ZNF675: variants seen among roughly 807,000 people sequenced by gnomAD.
ZNF675 encodes TRAF6 inhibitory zinc finger.
Under a neutral mutation model 56.1 loss-of-function variants are expected in ZNF675, and 36 were observed. The ratio of observed to expected loss-of-function variants is 0.64; its 90% confidence interval spans 0.49 to 0.85. ZNF675 has a LOEUF of 0.85. Ranked by LOEUF, ZNF675 falls within the 40% of genes least tolerant of loss-of-function variation. The pLI is 0.00. For synonymous variants in ZNF675, 200 were observed against 218.9 expected, an observed-to-expected ratio of 0.91 and a Z score of 0.76; for missense variants, 663 against 654.2, an observed-to-expected ratio of 1.01 and a Z score of -0.15.
intron 3 of ZNF675, among the ~76,000 whole-genome samples, chr19:23,659,189 T>C (rs1968044140): frequency 6.6e-6 from 1 of 152,216 alleles, no homozygotes; most frequent in Non-Finnish European, 1.5e-5. Context: ...TTAGTAAATA[T>C]GGAGTGCCTA....
chr19:23,680,294 C>G (rs188112852), intron 1 of ZNF675, among the ~76,000 whole-genome samples: 4 of 151,536 alleles, frequency 2.6e-5, no homozygotes, highest in Admixed American at 2.6e-4. Flanking sequence ...CAAAGCCAGA[C>G]TCCGTCTCAA....
intron 1 of ZNF675, among the ~76,000 whole-genome samples, chr19:23,673,697 A>G (rs1239327099): frequency 6.6e-6 from 1 of 152,102 alleles, no homozygotes; most frequent in Non-Finnish European, 1.5e-5. Context: ...GGGGAGGGAG[A>G]GCATTAGGAC....
intron 1 of ZNF675, among the ~76,000 whole-genome samples, chr19:23,672,032 T>C (rs1968232868): frequency 1.3e-5 from 2 of 152,074 alleles, no homozygotes; most frequent in Non-Finnish European, 2.9e-5. Flanking sequence ...CCTAGGTGAT[T>C]GTGAGAGGGT....
intron 1 of ZNF675, among the ~76,000 whole-genome samples, chr19:23,679,116 A>G (rs1341862632): frequency 1.4e-5 from 2 of 146,786 alleles, no homozygotes. Flanking sequence ...GCAGTGAGCC[A>G]AGATCGTGCC....
At chr19:23,671,474 G>T (rs1180596987) in intron 1 of ZNF675, among the ~76,000 whole-genome samples, 1 of 152,050 alleles carries the variant, frequency 6.6e-6, no homozygotes, top group African/African-American at 2.4e-5. Context: ...AAGAAAAGTG[G>T]GCATTGGGCA....
chr19:23,686,887 G>A (rs1181131731), intron 1 of ZNF675, 144 bp downstream of exon 1: 1 of 995,502 alleles, frequency 1.0e-6, no homozygotes, highest in Non-Finnish European at 1.6e-6. Flanking sequence ...TGGCTGCAGG[G>A]GACTGAGCCG....
intron 1 of ZNF675, among the ~76,000 whole-genome samples, chr19:23,682,778 A>T (rs1968393454): frequency 6.6e-6 from 1 of 151,846 alleles, no homozygotes; most frequent in South Asian, 2.1e-4. Flanking sequence ...ACTGAAACGC[A>T]GTGTTAGTAT....
At chr19:23,668,589 T>C (rs980486125) in intron 1 of ZNF675, among the ~76,000 whole-genome samples, 1 of 152,140 alleles carries the variant, frequency 6.6e-6, no homozygotes, top group South Asian at 2.1e-4. Context: ...GCGGCATCCG[T>C]CAGGGAGGAT....
chr19:23,674,984 A>AAAAG (rs1555707803), intron 1 of ZNF675, among the ~76,000 whole-genome samples: 1 of 138,792 alleles, frequency 7.2e-6, no homozygotes, highest in African/African-American at 2.7e-5. Flanking sequence ...AAAAAAAAAA[A>AAAAG]AGAGAGAGAG....
chr19:23,658,808 G>GATATAT (rs1568289010), intron 3 of ZNF675: 2 of 3,914 alleles, frequency 5.1e-4, no homozygotes, highest in East Asian at 0.013. Context: ...GATATCTATA[G>GATATAT]AGATATAGAT....
chr19:23,683,101 A>G (rs774093361), intron 1 of ZNF675, among the ~76,000 whole-genome samples: 1 of 151,368 alleles, frequency 6.6e-6, no homozygotes, highest in African/African-American at 2.4e-5. Context: ...AGGCAGAAGA[A>G]TCACTTGAAT....
At chr19:23,660,151 C>T (rs6511468) in intron 3 of ZNF675, among the ~76,000 whole-genome samples, 147,899 of 152,232 alleles carry the variant, frequency 0.97, 72,006 homozygotes, top group Middle Eastern at 1. Context: ...CAACTAAAGG[C>T]AGACCCTAGT....
intron 1 of ZNF675, among the ~76,000 whole-genome samples, chr19:23,681,560 C>T (rs1190504944): frequency 6.6e-6 from 1 of 151,696 alleles, no homozygotes; most frequent in Non-Finnish European, 1.5e-5. Context: ...GGCACCAAAT[C>T]TGTAGAGTTT....
At chr19:23,666,293 C>T (rs2144933712) in intron 1 of ZNF675, among the ~76,000 whole-genome samples, 1 of 152,348 alleles carries the variant, frequency 6.6e-6, no homozygotes, top group East Asian at 1.9e-4. Context: ...GTAACTTCAC[C>T]TTAGCCTCTA....
At chr19:23,667,367 C>T (rs1203376612) in intron 1 of ZNF675, among the ~76,000 whole-genome samples, 1 of 152,118 alleles carries the variant, frequency 6.6e-6, no homozygotes, top group African/African-American at 2.4e-5. Flanking sequence ...GGGACCCCAG[C>T]GGGTTGCCAC....
chr19:23,657,669 A>G (rs1221575072), intron 3 of ZNF675, among the ~76,000 whole-genome samples: 3 of 152,178 alleles, frequency 2.0e-5, no homozygotes, highest in African/African-American at 7.2e-5. Flanking sequence ...GTGGGCGGAG[A>G]TCACACCACT....
At chr19:23,657,519 CCAG>C (rs1428860385) in intron 3 of ZNF675, among the ~76,000 whole-genome samples, 2 of 152,112 alleles carry the variant, frequency 1.3e-5, no homozygotes, top group African/African-American at 4.8e-5. Flanking sequence ...GAGTTGGAGA[CCAG>C]CCTGACCACA....
chr19:23,661,412 G>A (rs975700304), intron 3 of ZNF675, among the ~76,000 whole-genome samples: 35 of 143,500 alleles, frequency 2.4e-4, no homozygotes, highest in African/African-American at 4.8e-4. Context: ...AAAAAAGGGC[G>A]GGGAATAGTG....
Position 23,654,716 on chromosome 19 carries a change from A to C in ZNF675, c.227-10T>G, listed in dbSNP as rs550343527. ...AAATGAGAACACATTACTGAAAGAA[A>C]TAAAAATAACACATTACTTTACAGA... On this transcript the variant is annotated splice_polypyrimidine_tract_variant and intron_variant, in intron 3 of 3. Transcript: ENST00000359788. 6.6e-7 allele frequency: 1 copy of C among 1,507,730 alleles called. No individual in the cohort carries two copies. The highest frequency in any genetic ancestry group is 1.4e-5 in the South Asian group (1 of 70,336). The allele number at this position is 1,507,730 out of a possible 1,614,324, so 93.4% of individuals were successfully genotyped here. A position where few individuals can be genotyped will look rare whatever the true frequency, so the allele number is the denominator to read the frequency against.
Sources: allele counts gnomAD v4.1 joint callset (sites outside exome capture counted in the v4.1 genomes callset), GRCh38; gene constraint gnomAD v4.1.1; transcripts MANE v1.5; gene names NCBI Gene and HGNC (gene_info 2026-07-23, HGNC 2026-07-21).